PFN4: variants seen among roughly 807,000 people sequenced by gnomAD.
PFN4 encodes the protein profilin-4.
In PFN4, 10 loss-of-function variants were observed where a neutral mutation model predicts 16.3. The observed-to-expected ratio is 0.61, with a 90% confidence interval of 0.38 to 1.04. PFN4 has a LOEUF of 1.04. Ranked by LOEUF, PFN4 falls within the 50% of genes least tolerant of loss-of-function variation. PFN4 has a pLI of 0.01. For synonymous variants in PFN4, 54 were observed against 56.9 expected, an observed-to-expected ratio of 0.95 and a Z score of 0.23; for missense variants, 136 against 153.6, an observed-to-expected ratio of 0.89 and a Z score of 0.61.
Position 24,115,605 on chromosome 2 carries a change from T to G in PFN4, c.368A>C (p.Tyr123Ser), listed in dbSNP as rs1245146994. 13 of 1,612,790 alleles carry G rather than the reference T, an allele frequency of 8.1e-6. No individual in the cohort carries two copies. Among genetic ancestry groups the G allele is most frequent in the Non-Finnish European group, 1.1e-5 (13 of 1,179,490 alleles). ...CVEATESLGD[Y>S]LRKKGS The stretch of plus-strand genomic sequence containing the variant: ...GACTTAACTTCCTTTTTTTCTTAGG[T>G]AGTCTCCTGAAAGCAAACACAGCAT... The change falls in exon 5 of 5, where the codon TAC becomes TCC. Residue 123 changes from tyrosine (Y) to serine (S), a missense_variant. Tyr to Ser is a moderately radical substitution (Grantham distance 144). Transcript: ENST00000313213.
intron 4 of PFN4, among the ~76,000 whole-genome samples, chr2:24,116,499 A>C (rs1665920817): frequency 6.6e-6 from 1 of 151,108 alleles, no homozygotes; most frequent in Admixed American, 6.6e-5. Flanking sequence ...GTAGCACTTC[A>C]TTTTTTTTTA....
At position 24,123,261 on chromosome 2, in the gene PFN4, G is replaced by GC. The variant is rs1319292465; in HGVS notation, c.-157dup. 2.0e-5 allele frequency: 3 copies of GC among 152,188 alleles called. No individual in the cohort carries two copies. The highest frequency in any genetic ancestry group is 7.2e-5 in the African/African-American group (3 of 41,430). The allele number at this position is 152,188 out of a possible 1,614,324, so 9.4% of individuals were successfully genotyped here. ...AGCGGACGCCACCCCGCTCTGTGGT[G>GC]CCCGCAAGGACCCGGCGACCAAGGA... is the stretch of plus-strand genomic sequence containing the variant. On this transcript the variant is annotated 5_prime_UTR_variant, in exon 1 of 5. Transcript: ENST00000313213.
chr2:24,122,161 A>T (rs1666137699), intron 2 of PFN4, among the ~76,000 whole-genome samples: 1 of 152,094 alleles, frequency 6.6e-6, no homozygotes, highest in African/African-American at 2.4e-5. Context: ...GTAAAACACC[A>T]TCTCTACTAA....
rs58867611 is a variant in PFN4 at position 24,117,014 on chromosome 2, A to ATT, written c.362-1405_362-1404dup. Reference sequence around the variant, plus strand: ...ATATTTATTTTAAAAACAATCCTGCATTTTTTTTTTTTTTTTTTTGAGACA... The same window carrying ATT: ...ATATTTATTTTAAAAACAATCCTGCATTTTTTTTTTTTTTTTTTTTTGAGACA... On this transcript the variant is annotated intron_variant, in intron 4 of 4. Coordinates refer to ENST00000313213, the MANE Select transcript of PFN4 (RefSeq NM_199346.3). 1.7e-3 allele frequency among the ~76,000 whole-genome samples: 221 copies of ATT among 131,922 alleles called. 2 individuals carry two copies. The highest frequency in any genetic ancestry group is 3.0e-3 in the African/African-American group (107 of 35,854). The allele number at this position is 131,922 out of a possible 152,430, so 86.5% of individuals were successfully genotyped here.
rs1665875185 is a variant in PFN4, at chr2:24,115,183, G to T, written c.*400C>A. 6.6e-6 allele frequency among the ~76,000 whole-genome samples: 1 copy of T among 152,182 alleles called. No individual in the cohort carries two copies. The highest frequency in any genetic ancestry group is 2.1e-4 in the South Asian group (1 of 4,832). On this transcript the variant is annotated 3_prime_UTR_variant, in exon 5 of 5. Coordinates refer to ENST00000313213, the MANE Select transcript of PFN4 (RefSeq NM_199346.3). Reference sequence around the variant, plus strand: ...AAGCAAGCTTGCTCTCTGTCCTGATGGGAGACATCCCTTCATTTTTCAAGG... The same window carrying T: ...AAGCAAGCTTGCTCTCTGTCCTGATTGGAGACATCCCTTCATTTTTCAAGG...
At chr2:24,118,436 CATTG>C (rs1400195251) in intron 4 of PFN4, among the ~76,000 whole-genome samples, 7 of 152,224 alleles carry the variant, frequency 4.6e-5, no homozygotes, top group African/African-American at 1.7e-4. Context: ...CGAAGTAATT[CATTG>C]ATTTATTCAT....
At chr2:24,119,878 T>C (rs1428868212) in intron 3 of PFN4, among the ~76,000 whole-genome samples, 196 bp from the exon 4 acceptor site, 4 of 152,220 alleles carry the variant, frequency 2.6e-5, no homozygotes, top group Admixed American at 2.6e-4. Context: ...ACCAATTTAG[T>C]TGCCTTTCCT....
rs780284340 is a variant in PFN4 at position 24,115,588 on chromosome 2, T to C, written c.385A>G (p.Ser129Gly). 2.5e-6 allele frequency: 4 copies of C among 1,612,522 alleles called. No individual in the cohort carries two copies. The highest frequency in any genetic ancestry group is 3.4e-6 in the Non-Finnish European group (4 of 1,179,552). Residue 129 changes from serine to glycine, a missense_variant, in exon 5 of 5, where the codon AGT becomes GGT. Physicochemically the swap from Ser to Gly is moderately conservative, Grantham distance 56 (BLOSUM62 0). Transcript: ENST00000313213. The stretch of plus-strand genomic sequence containing the variant: ...TTTCATGGGCCTCTGATGACTTAAC[T>C]TCCTTTTTTTCTTAGGTAGTCTCCT... Reference protein sequence around the residue: ...SLGDYLRKKGS With the variant: ...SLGDYLRKKGG
In PFN4 at chr2:24,119,678, T is replaced by C; in HGVS notation, c.260A>G (p.Asn87Ser). 1.2e-6 allele frequency: 2 copies of C among 1,607,840 alleles called. No homozygotes were observed. The highest frequency in any genetic ancestry group is 1.1e-5 in the South Asian group (1 of 90,836). The change falls in exon 4 of 5, where the codon AAC (asparagine) becomes AGC (serine). Residue 87 changes from asparagine (N) to serine (S), a missense_variant. Coordinates refer to ENST00000313213, the MANE Select transcript of PFN4 (RefSeq NM_199346.3). Reference sequence around the variant, plus strand: ...GGTCTTCACGACAACCACACCAGTGTTCTCCTGTATAAAGAATATAAGAGA... The same window carrying C: ...GGTCTTCACGACAACCACACCAGTGCTCTCCTGTATAAAGAATATAAGAGA... Reference protein sequence around the residue: ...DEYSLYAKNENTGVVVVKTHL... With the variant: ...DEYSLYAKNESTGVVVVKTHL...
chr2:24,115,330 A>C lies in PFN4; in HGVS notation c.*253T>G. 1 of 466,680 alleles carries C rather than the reference A, an allele frequency of 2.1e-6. No homozygotes were observed. The highest frequency in any genetic ancestry group is 3.9e-6 in the Non-Finnish European group (1 of 256,440). The allele number at this position is 466,680 out of a possible 1,614,324, so 28.9% of individuals were successfully genotyped here. A position where few individuals can be genotyped will look rare whatever the true frequency, so the allele number is the denominator to read the frequency against. On this transcript the variant is annotated 3_prime_UTR_variant, in exon 5 of 5. Transcript: ENST00000313213. ...GAGCCTCACAGAAAGGAGCCTCCCA[A>C]TAGATATGCTCTGTGAAATGATCAG...
chr2:24,119,540 A>T, intron 4 of PFN4, 37 bp downstream of exon 4: 1 of 1,485,202 alleles, frequency 6.7e-7, no homozygotes, highest in Non-Finnish European at 9.4e-7. Flanking sequence ...CCCAACTAAC[A>T]TAGGGAATGA....
chr2:24,119,707 T>C (rs1364603661), intron 3 of PFN4, 25 bp from the exon 4 acceptor site: 2 of 1,568,454 alleles, frequency 1.3e-6, no homozygotes, highest in Non-Finnish European at 1.7e-6. Context: ...TAAGAGAATA[T>C]TCTGCTCTTG....
rs774612797 is a variant in PFN4 at position 24,119,674 on chromosome 2, A to G, written c.264T>C (p.Thr88=). Residue 88 remains threonine (T), a synonymous_variant, in exon 4 of 5, where the codon ACT becomes ACC. Transcript: ENST00000313213. ...GATGGGTCTTCACGACAACCACACC[A>G]GTGTTCTCCTGTATAAAGAATATAA... The part of the protein sequence containing the change: ...EYSLYAKNEN[T]GVVVVKTHLY... The G allele has an allele frequency of 2.5e-6, 4 of 1,609,754 alleles. No individual in the cohort carries two copies. In the Admixed American group the frequency reaches 6.7e-5, roughly 27 times the overall value.
At chr2:24,121,861 A>G (rs970598661) in intron 2 of PFN4, among the ~76,000 whole-genome samples, 1 of 152,182 alleles carries the variant, frequency 6.6e-6, no homozygotes, top group Non-Finnish European at 1.5e-5. Context: ...CATGAGTGGA[A>G]GCAGCCTGAG....
At chr2:24,121,577 G>A (rs1666119996) in intron 2 of PFN4, among the ~76,000 whole-genome samples, 1 of 152,056 alleles carries the variant, frequency 6.6e-6, no homozygotes, top group Admixed American at 6.6e-5. Flanking sequence ...GCAGAGTTGA[G>A]TGGTTGTGAC....
In PFN4 at chr2:24,115,515, A is replaced by T; in HGVS notation, c.*68T>A. 1.4e-6 allele frequency: 2 copies of T among 1,414,450 alleles called. No homozygotes were observed. The highest frequency in any genetic ancestry group is 2.0e-6 in the Non-Finnish European group (2 of 1,019,082). The allele number at this position is 1,414,450 out of a possible 1,614,324, so 87.6% of individuals were successfully genotyped here. On this transcript the variant is annotated 3_prime_UTR_variant, in exon 5 of 5. Transcript: ENST00000313213. Reference sequence around the variant, plus strand: ...TCTAGTGTTTTTTCAACCATAAAATATTTTTTCTTTAGGCTCTTCAATTTT... The same window carrying T: ...TCTAGTGTTTTTTCAACCATAAAATTTTTTTTCTTTAGGCTCTTCAATTTT...
chr2:24,116,283 C>G (rs931979329), intron 4 of PFN4, among the ~76,000 whole-genome samples: 8 of 151,662 alleles, frequency 5.3e-5, no homozygotes, highest in African/African-American at 1.5e-4. Context: ...AGCTGACATC[C>G]CACCACAGCA....
chr2:24,115,783 C>T (rs920287748), intron 4 of PFN4, among the ~76,000 whole-genome samples, 172 bp from the exon 5 acceptor site: 7 of 152,036 alleles, frequency 4.6e-5, no homozygotes, highest in African/African-American at 1.7e-4. Flanking sequence ...ACAGTTCCTG[C>T]CCTCATGGAG....
At chr2:24,119,711 G>A (rs754368337) in intron 3 of PFN4, 29 bp from the exon 4 acceptor site, 1 of 1,535,712 alleles carries the variant, frequency 6.5e-7, no homozygotes, top group Non-Finnish European at 9.0e-7. Flanking sequence ...AGAATATTCT[G>A]CTCTTGGTTC....
Sources: gnomAD v4.1 joint callset for allele counts (sites outside exome capture counted in the v4.1 genomes callset) on GRCh38, gnomAD v4.1.1 for gene constraint, MANE v1.5 for transcripts, NCBI Gene and HGNC (gene_info 2026-07-23, HGNC 2026-07-21) for gene names.